Variants in PCDHGA7 observed in about 807,000 individuals in gnomAD.
PCDHGA7 encodes protocadherin gamma-A7.
A neutral mutation model predicts 58.3 loss-of-function variants in PCDHGA7; 44 were observed. The observed-to-expected ratio is 0.75, with a 90% CI of 0.59 to 0.97. The LOEUF is 0.97. Among genes scored for constraint, PCDHGA7 ranks in the 50% least tolerant of loss-of-function variants. PCDHGA7 has a pLI of 0.00. For missense variants in PCDHGA7, 1,266 were observed against 1,188.7 expected (o/e 1.06, Z -0.96); for synonymous variants, 516 against 504.2 (o/e 1.02, Z -0.31).
chr5:141,383,879 G>A lies in PCDHGA7; in HGVS notation c.980G>A (p.Ser327Asn), dbSNP rs1196711965. 2 of 1,613,862 alleles carry A rather than the reference G, an allele frequency of 1.2e-6. No homozygotes were observed. Among genetic ancestry groups the A allele is most frequent in the Non-Finnish European group, 1.7e-6 (2 of 1,179,894 alleles). ...MEVQAQDGPG[S>N]LTKAKVLITV... ...GTTCAGGCTCAAGATGGTCCTGGTA[G>A]TCTGACAAAGGCAAAAGTACTGATC... Residue 327 changes from serine (S) to asparagine (N), a missense_variant, in exon 1 of 4, where the codon AGT becomes AAT. Physicochemically the swap from Ser to Asn is conservative, Grantham distance 46 (BLOSUM62 1). Transcript: ENST00000518325.
At chr5:141,391,358 G>T (rs2150448712) in intron 1 of PCDHGA7, 1 of 150,474 alleles carries the variant, frequency 6.6e-6, no homozygotes, top group East Asian at 1.9e-4. Context: ...TGTTACTCAG[G>T]CTGTAGTGCA....
intron 1 of PCDHGA7, chr5:141,478,305 C>A (rs775282798): frequency 1.2e-6 from 2 of 1,613,974 alleles, no homozygotes; most frequent in Non-Finnish European, 8.5e-7. Flanking sequence ...TACCGAGCCC[C>A]GGTGAGCTCA....
intron 1 of PCDHGA7, among the ~76,000 whole-genome samples, chr5:141,492,418 C>T (rs1428695013): frequency 2.0e-5 from 3 of 152,236 alleles, no homozygotes; most frequent in Admixed American, 1.3e-4. Flanking sequence ...CCGCTCCCTC[C>T]GCCGGGCTCA....
In PCDHGA7 at chr5:141,385,182, G is replaced by T. The variant is rs374159387; in HGVS notation, c.2283G>T (p.Ala761=). ...QTYSHEVSLT[A]DSRKSHLIFP... is the part of the protein sequence containing the mutation. ...ATTCCCATGAGGTCTCCCTCACCGC[G>T]GACTCTCGGAAGAGTCACCTGATCT... is the stretch of plus-strand genomic sequence containing the variant. The change falls in exon 1 of 4, where the codon GCG becomes GCT. Residue 761 remains alanine, a synonymous_variant. Transcript: ENST00000518325. 2 of 1,614,138 alleles carry T rather than the reference G, an allele frequency of 1.2e-6. No individual in the cohort carries two copies. The highest frequency in any genetic ancestry group is 8.5e-7 in the Non-Finnish European group (1 of 1,180,034).
At position 141,384,580 on chromosome 5, in the gene PCDHGA7, G is replaced by C; in HGVS notation, c.1681G>C (p.Glu561Gln). 6.2e-7 allele frequency: 1 copy of C among 1,614,196 alleles called. No homozygotes were observed. The highest frequency in any genetic ancestry group is 8.5e-7 in the Non-Finnish European group (1 of 1,180,026). The change falls in exon 1 of 4, where the codon GAG becomes CAG. Residue 561 changes from glutamate (E) to glutamine (Q), a missense_variant. Coordinates refer to ENST00000518325, the MANE Select transcript of PCDHGA7 (RefSeq NM_018920.4). ...GCTGGACCAGAATGACAACCCGCCC[G>C]AGATCCTGTACCCGGCCCTCCCCAC... is the stretch of plus-strand genomic sequence containing the variant. ...FVLDQNDNPP[E>Q]ILYPALPTDG...
rs1407016089 is a variant in PCDHGA7 at position 141,489,914 on chromosome 5, C to T, written c.2425-4893C>T. On this transcript the variant is annotated intron_variant, in intron 1 of 3. Coordinates refer to ENST00000518325, the MANE Select transcript of PCDHGA7 (RefSeq NM_018920.4). The surrounding 1 kb of genome is among the most constrained non-coding windows in gnomAD (Gnocchi z 4.5). Reference sequence around the variant, plus strand: ...GGGGGGACCCCAGCCCGCTCAGGGACCACCCTTATCTCTGTCATCGTGCTG... The same window carrying T: ...GGGGGGACCCCAGCCCGCTCAGGGATCACCCTTATCTCTGTCATCGTGCTG... 3 of 1,614,094 alleles carry T rather than the reference C, an allele frequency of 1.9e-6. No individual in the cohort carries two copies. Among genetic ancestry groups the T allele is most frequent in the African/African-American group, 2.7e-5 (2 of 74,936 alleles).
chr5:141,485,930 G>A lies in PCDHGA7; in HGVS notation c.2425-8877G>A. ...ATCCAGCTACAGGATTAGTGTGTTG[G>A]AGAGCGCACCAGCGGGCATGGTGCT... On this transcript the variant is annotated intron_variant, in intron 1 of 3. Transcript: ENST00000518325. This position sits in a 1 kb window ranked among gnomAD's most constrained non-coding sequence, Gnocchi z 5.7. The A allele has an allele frequency of 6.2e-7, 1 of 1,614,178 alleles. No homozygotes were observed. Among genetic ancestry groups the A allele is most frequent in the Non-Finnish European group, 8.5e-7 (1 of 1,180,042 alleles).
In PCDHGA7 at chr5:141,384,677, C is replaced by T. The variant is rs919957351; in HGVS notation, c.1778C>T (p.Ala593Val). 4 of 1,614,188 alleles carry T rather than the reference C, an allele frequency of 2.5e-6. No homozygotes were observed. The highest frequency in any genetic ancestry group is 1.1e-5 in the South Asian group (1 of 91,090). ...GGCTACCTGGTGACCAAGGTGGTGG[C>T]GGTGGACAAAGATTCAGGCCAGAAC... is the stretch of plus-strand genomic sequence containing the variant. Reference protein sequence around the residue: ...EPGYLVTKVVAVDKDSGQNAW... With the variant: ...EPGYLVTKVVVVDKDSGQNAW... Residue 593 changes from alanine to valine, a missense_variant, in exon 1 of 4, where the codon GCG (alanine) becomes GTG (valine). Coordinates refer to ENST00000518325, the MANE Select transcript of PCDHGA7 (RefSeq NM_018920.4).
chr5:141,388,372 G>C (rs1040306905), intron 1 of PCDHGA7: 5 of 1,613,966 alleles, frequency 3.1e-6, no homozygotes, highest in Non-Finnish European at 4.2e-6. Context: ...GCGGATATTG[G>C]TAGCAACACA....
rs144789830 is a variant in PCDHGA7 at position 141,503,198 on chromosome 5, C to T, written c.2484-2195C>T. Among the ~76,000 whole-genome samples the T allele has an allele frequency of 3.7e-3, 561 of 152,172 alleles. 5 individuals carry two copies. Among genetic ancestry groups the T allele is most frequent in the Admixed American group, 0.011 (164 of 15,268 alleles). ...TATTGTGTAATTATTTAAAATCAGC[C>T]TCTCAGTGCCCACCATGAGCACCGT... On this transcript the variant is annotated intron_variant, in intron 2 of 3. Coordinates refer to ENST00000518325, the MANE Select transcript of PCDHGA7 (RefSeq NM_018920.4).
intron 1 of PCDHGA7, chr5:141,399,389 C>G: frequency 1.2e-6 from 2 of 1,614,024 alleles, no homozygotes; most frequent in East Asian, 2.2e-5. Flanking sequence ...ATCACAGCCA[C>G]AGACAGGGGC....
At chr5:141,393,051 C>T in intron 1 of PCDHGA7, 1 of 1,613,622 alleles carries the variant, frequency 6.2e-7, no homozygotes, top group Non-Finnish European at 8.5e-7. Context: ...TCTGAACCCG[C>T]GCAGCGGCAG....
chr5:141,413,904 G>T (rs1230344912), intron 1 of PCDHGA7: 3 of 1,613,160 alleles, frequency 1.9e-6, no homozygotes, highest in East Asian at 2.2e-5. Context: ...ATGACAACGC[G>T]CCGGTCTTCA....
intron 1 of PCDHGA7, chr5:141,400,533 C>A (rs1416453682): frequency 6.2e-7 from 1 of 1,613,900 alleles, no homozygotes; most frequent in Non-Finnish European, 8.5e-7. Context: ...TGGTGAGTTT[C>A]ATTTATGTCT....
intron 1 of PCDHGA7, among the ~76,000 whole-genome samples, chr5:141,481,008 A>G (rs2099529606): frequency 6.6e-6 from 1 of 152,224 alleles, no homozygotes; most frequent in Non-Finnish European, 1.5e-5. Context: ...CAGTGAGCCC[A>G]GATCACACCA....
At chr5:141,475,910 G>A in intron 1 of PCDHGA7, 1 of 588,414 alleles carries the variant, frequency 1.7e-6, no homozygotes, top group South Asian at 2.3e-5. Context: ...GTCGGCCAAT[G>A]AAGACGCTGG....
At chr5:141,453,451 T>C (rs1052905667) in intron 1 of PCDHGA7, among the ~76,000 whole-genome samples, 1 of 152,096 alleles carries the variant, frequency 6.6e-6, no homozygotes, top group Non-Finnish European at 1.5e-5. Flanking sequence ...TTTTTGAATA[T>C]GTAAAACATT....
At position 141,414,317 on chromosome 5, in the gene PCDHGA7, AG is replaced by A. The variant is rs757847465; in HGVS notation, c.2424+28995del. On this transcript the variant is annotated intron_variant, in intron 1 of 3. Transcript: ENST00000518325. The stretch of plus-strand genomic sequence containing the variant: ...TTAAATGTGCATGATTTAGACTCTG[AG>A]CAGAATGGACAGGTAACCTGTTCCA... The A allele has an allele frequency of 1.9e-6, 3 of 1,613,828 alleles. No individual in the cohort carries two copies. In the South Asian group the frequency reaches 3.3e-5, roughly 18 times the overall value.
chr5:141,450,851 G>T (rs1184272833), intron 1 of PCDHGA7, among the ~76,000 whole-genome samples: 1 of 142,602 alleles, frequency 7.0e-6, no homozygotes, highest in Non-Finnish European at 1.5e-5. Context: ...TTGAGATGGG[G>T]TCTTGCTCTG....
Sources: gnomAD v4.1 joint callset for allele counts (sites outside exome capture counted in the v4.1 genomes callset) on GRCh38, gnomAD v4.1.1 for gene constraint, Gnocchi (gnomAD v3.1) non-coding constraint, MANE v1.5 for transcripts, NCBI Gene and HGNC (gene_info 2026-07-23, HGNC 2026-07-21) for gene names.